The following NR2C2 variants were observed in gnomAD, a reference collection of about 807,000 sequenced individuals.
NR2C2 encodes the protein nuclear receptor subfamily 2 group C member 2.
Under a neutral mutation model 62.9 loss-of-function variants are expected in NR2C2, and 6 were observed. The observed-to-expected ratio is 0.10, with a 90% CI of 0.05 to 0.19. NR2C2 has a LOEUF of 0.19. NR2C2 is among the 10% of genes least tolerant of loss of function. NR2C2 has a pLI of 1.00. For synonymous variants in NR2C2, 272 were observed against 273.8 expected, an observed-to-expected ratio of 0.99 and a Z score of 0.07; for missense variants, 479 against 762.7, an observed-to-expected ratio of 0.63 and a Z score of 4.38.
At chr3:15,015,073 C>T (rs1404735165) in intron 3 of NR2C2, among the ~76,000 whole-genome samples, 1 of 152,210 alleles carries the variant, frequency 6.6e-6, no homozygotes, top group African/African-American at 2.4e-5. Context: ...AATGCTGTCT[C>T]ATCCTTCCTT....
rs1055342750 is a variant in NR2C2 at position 15,004,048 on chromosome 3, C to G, written c.72+62C>G. 2.1e-6 allele frequency: 3 copies of G among 1,397,252 alleles called. No individual in the cohort carries two copies. The African/African-American group carries it at 4.3e-5, about 20-fold the overall frequency. The allele number at this position is 1,397,252 out of a possible 1,614,324, so 86.6% of individuals were successfully genotyped here. On this transcript the variant is annotated intron_variant, in intron 2 of 13. Transcript: ENST00000425241. ...AGAAGAACTCTTTCCAAAAACAAACCTTCCTAAGGGTTTCACTAAAGAGTT... is the reference window on the plus strand; with the variant it reads ...AGAAGAACTCTTTCCAAAAACAAACGTTCCTAAGGGTTTCACTAAAGAGTT...
At chr3:14,984,455 C>T (rs2040459792) in intron 1 of NR2C2, among the ~76,000 whole-genome samples, 1 of 152,166 alleles carries the variant, frequency 6.6e-6, no homozygotes, top group African/African-American at 2.4e-5. Flanking sequence ...ATATTGTCTT[C>T]TGAGTATAGC....
intron 10 of NR2C2, chr3:15,034,291 T>A (rs6790133): frequency 0.018 from 2,965 of 161,902 alleles, 91 homozygotes; most frequent in African/African-American, 0.067. Flanking sequence ...TCTCCGTCTT[T>A]TGGTCCCCGT....
rs747596065 is a variant in NR2C2, at chr3:15,046,828, C to G, written c.*3820C>G. On this transcript the variant is annotated 3_prime_UTR_variant, in exon 14 of 14. Transcript: ENST00000425241. ...AGATGCCCCACGTGCTTCCTTTATC[C>G]AGCTTCCATTCTCTCAGTTATGAGG... 3.3e-5 allele frequency: 5 copies of G among 152,780 alleles called. No homozygotes were observed. Among genetic ancestry groups the G allele is most frequent in the Non-Finnish European group, 4.4e-5 (3 of 68,054 alleles). The allele number at this position is 152,780 out of a possible 1,614,324, so 9.5% of individuals were successfully genotyped here. A position where few individuals can be genotyped will look rare whatever the true frequency, so the allele number is the denominator to read the frequency against.
In NR2C2 at chr3:15,028,668, G is replaced by A; in HGVS notation, c.881G>A (p.Gly294Asp). ...LANLSESLNNGDTSEIQPEDQ... is the reference protein window; with the variant it reads ...LANLSESLNNDDTSEIQPEDQ... ...AACCTAAGTGAATCTTTGAACAACGGTGACACTTCAGAAATCCAGCCAGAG... is the reference window on the plus strand; with the variant it reads ...AACCTAAGTGAATCTTTGAACAACGATGACACTTCAGAAATCCAGCCAGAG... Residue 294 changes from glycine (G) to aspartate (D), a missense_variant, in exon 8 of 14, where the codon GGT (glycine) becomes GAT (aspartate). By Grantham distance (94) the Gly-to-Asp change is moderately conservative. Transcript: ENST00000425241. 6.2e-7 allele frequency: 1 copy of A among 1,614,116 alleles called. No individual in the cohort carries two copies. Among genetic ancestry groups the A allele is most frequent in the Non-Finnish European group, 8.5e-7 (1 of 1,179,992 alleles).
intron 13 of NR2C2, 168 bp from the exon 14 acceptor site, chr3:15,042,666 A>G (rs1367880218): frequency 1.7e-6 from 1 of 603,306 alleles, no homozygotes. Context: ...TTTTCTCATG[A>G]TAAATTTCTA....
intron 2 of NR2C2, among the ~76,000 whole-genome samples, chr3:15,009,252 C>T (rs1379414808): frequency 6.6e-6 from 1 of 152,058 alleles, no homozygotes; most frequent in Admixed American, 6.6e-5. Flanking sequence ...CGGCACTTTA[C>T]CTAGAAAAAG....
chr3:15,019,108 T>C (rs1575013350), intron 4 of NR2C2, among the ~76,000 whole-genome samples: 1 of 149,962 alleles, frequency 6.7e-6, no homozygotes, highest in Admixed American at 6.6e-5. Flanking sequence ...CACCTATAAT[T>C]CCAGCTACTC....
chr3:14,949,109 A>G (rs1483916729), intron 1 of NR2C2, among the ~76,000 whole-genome samples: 1 of 152,194 alleles, frequency 6.6e-6, no homozygotes, highest in African/African-American at 2.4e-5. Context: ...ATGTTGACTT[A>G]GTTTTTTAGG....
chr3:14,998,714 A>G (rs1029444194), intron 1 of NR2C2, among the ~76,000 whole-genome samples: 5 of 152,182 alleles, frequency 3.3e-5, no homozygotes, highest in African/African-American at 1.2e-4. Context: ...TTGAAACACA[A>G]AACTCATTAA....
intron 1 of NR2C2, among the ~76,000 whole-genome samples, chr3:14,964,433 T>C (rs1486637132): frequency 3.3e-5 from 5 of 152,200 alleles, no homozygotes; most frequent in African/African-American, 1.2e-4. Context: ...GCCCACTGAG[T>C]GCTTTCTTAC....
chr3:14,958,690 C>T (rs2039599480), intron 1 of NR2C2, among the ~76,000 whole-genome samples: 2 of 152,054 alleles, frequency 1.3e-5, no homozygotes, highest in Admixed American at 1.3e-4. Flanking sequence ...GTTGTTGTTC[C>T]AGATTGGTTG....
intron 1 of NR2C2, among the ~76,000 whole-genome samples, chr3:14,988,265 A>G (rs2040564529): frequency 6.6e-6 from 1 of 152,258 alleles, no homozygotes; most frequent in African/African-American, 2.4e-5. Flanking sequence ...CAAGTCTCTC[A>G]GACCAGTGAA....
chr3:14,981,149 G>A (rs2040355561), intron 1 of NR2C2, among the ~76,000 whole-genome samples: 2 of 152,130 alleles, frequency 1.3e-5, no homozygotes, highest in South Asian at 2.1e-4. Flanking sequence ...GCTAAACACT[G>A]TACATATATC....
At chr3:14,956,758 C>T (rs1206224843) in intron 1 of NR2C2, among the ~76,000 whole-genome samples, 1 of 152,182 alleles carries the variant, frequency 6.6e-6, no homozygotes, top group Non-Finnish European at 1.5e-5. Context: ...TCAGGCTGGT[C>T]TCGAACTCCT....
rs115949510 is a variant in NR2C2, at chr3:14,949,076, C to T, written c.-40+1170C>T. On this transcript the variant is annotated intron_variant, in intron 1 of 13. Coordinates refer to ENST00000425241, the MANE Select transcript of NR2C2 (RefSeq NM_001291694.2). ...GAGAGCACAATTCGGGAGTGATTCT[C>T]TTCTCATTCGTTCGCTGAATACATG... is the stretch of plus-strand genomic sequence containing the variant. Among the ~76,000 whole-genome samples the T allele has an allele frequency of 4.9e-3, 747 of 152,318 alleles. 11 individuals are homozygous for T. The highest frequency in any genetic ancestry group is 0.017 in the African/African-American group (700 of 41,562).
rs1241782004 is a variant in NR2C2 at position 15,044,245 on chromosome 3, A to C, written c.*1237A>C. The C allele has an allele frequency of 6.6e-6, 1 of 152,146 alleles. No homozygotes were observed. Among genetic ancestry groups the C allele is most frequent in the African/African-American group, 2.4e-5 (1 of 41,426 alleles). The allele number at this position is 152,146 out of a possible 1,614,324, so 9.4% of individuals were successfully genotyped here. A position where few individuals can be genotyped will look rare whatever the true frequency, so the allele number is the denominator to read the frequency against. On this transcript the variant is annotated 3_prime_UTR_variant, in exon 14 of 14. Coordinates refer to ENST00000425241, the MANE Select transcript of NR2C2 (RefSeq NM_001291694.2). ...TGACCTTAAATACCAGAGATTTTAA[A>C]AATGTGTATAGACTCAGCATCTCTG...
chr3:14,964,721 A>G (rs1195047123), intron 1 of NR2C2, among the ~76,000 whole-genome samples: 1 of 149,384 alleles, frequency 6.7e-6, no homozygotes, highest in Non-Finnish European at 1.5e-5. Flanking sequence ...GACGGGTTTC[A>G]CCGTGTTAGC....
At chr3:15,016,752 A>G (rs2041522029) in intron 4 of NR2C2, among the ~76,000 whole-genome samples, 1 of 152,150 alleles carries the variant, frequency 6.6e-6, no homozygotes, top group Admixed American at 6.5e-5. Flanking sequence ...AGCCTTGGTA[A>G]TTGTGTACAT....
Sources: allele counts gnomAD v4.1 joint callset (sites outside exome capture counted in the v4.1 genomes callset), GRCh38; gene constraint gnomAD v4.1.1; transcripts MANE v1.5; gene names NCBI Gene and HGNC (gene_info 2026-07-23, HGNC 2026-07-21).